The following EPHA6 variants were observed in gnomAD, a reference collection of about 807,000 sequenced individuals.
The protein encoded by EPHA6 is ephrin type-A receptor 6.
Under a neutral mutation model 112.0 loss-of-function variants are expected in EPHA6, and 50 were observed. That is an observed-to-expected ratio of 0.45 (90% confidence interval 0.36 to 0.56). EPHA6 has a LOEUF of 0.56. Ranked by LOEUF, EPHA6 falls within the 20% of genes least tolerant of loss-of-function variation. EPHA6 has a pLI of 0.00. For synonymous variants in EPHA6, 529 were observed against 490.7 expected (o/e 1.08, Z -1.03); for missense variants, 1,280 against 1,417.4 (o/e 0.90, Z 1.56).
intron 5 of EPHA6, among the ~76,000 whole-genome samples, chr3:97,388,053 C>A (rs376500415): frequency 2.6e-4 from 39 of 152,242 alleles, no homozygotes; most frequent in African/African-American, 9.1e-4. Flanking sequence ...ATGAAGTCTG[C>A]CCCCATGATT....
At chr3:96,923,336 C>A (rs2039871102) in intron 2 of EPHA6, among the ~76,000 whole-genome samples, 1 of 152,224 alleles carries the variant, frequency 6.6e-6, no homozygotes, top group Admixed American at 6.5e-5. Context: ...GCCATTCTGA[C>A]TGGCGTGAGT....
chr3:96,980,353 G>C (rs1271070672), intron 2 of EPHA6, among the ~76,000 whole-genome samples: 1 of 151,760 alleles, frequency 6.6e-6, no homozygotes, highest in African/African-American at 2.4e-5. Flanking sequence ...TCAAAGATCA[G>C]ATGGTTGTAG....
At chr3:97,066,546 T>C (rs957955261) in intron 3 of EPHA6, among the ~76,000 whole-genome samples, 1 of 152,156 alleles carries the variant, frequency 6.6e-6, no homozygotes, top group African/African-American at 2.4e-5. Flanking sequence ...GCAGGAGACA[T>C]ACCAGTGTTC....
At chr3:97,141,488 T>C (rs1473518011) in intron 3 of EPHA6, among the ~76,000 whole-genome samples, 3 of 151,978 alleles carry the variant, frequency 2.0e-5, no homozygotes, top group Non-Finnish European at 4.4e-5. Context: ...TATCTTAAGA[T>C]CTCAGACCAT....
chr3:97,126,973 G>A (rs1426213558), intron 3 of EPHA6, among the ~76,000 whole-genome samples: 1 of 149,826 alleles, frequency 6.7e-6, no homozygotes, highest in African/African-American at 2.5e-5. Flanking sequence ...ACAATAACAA[G>A]GAAAAAGACT....
intron 2 of EPHA6, among the ~76,000 whole-genome samples, chr3:96,942,850 G>T (rs760661041): frequency 6.6e-6 from 1 of 151,984 alleles, no homozygotes; most frequent in African/African-American, 2.4e-5. Context: ...TACAAACCAG[G>T]GTATTCCAAA....
At chr3:97,434,679 T>C (rs2089720828) in intron 6 of EPHA6, among the ~76,000 whole-genome samples, 1 of 152,108 alleles carries the variant, frequency 6.6e-6, no homozygotes, top group Non-Finnish European at 1.5e-5. Flanking sequence ...TGTAGTGGCT[T>C]AAAAATTATA....
chr3:96,993,419 C>T (rs1229681443), intron 3 of EPHA6, among the ~76,000 whole-genome samples: 1 of 152,006 alleles, frequency 6.6e-6, no homozygotes, highest in Non-Finnish European at 1.5e-5. Context: ...GCCTCAGCCT[C>T]CTGAGTAACT....
At chr3:97,658,514 C>A (rs1408495116) in intron 14 of EPHA6, among the ~76,000 whole-genome samples, 1 of 151,874 alleles carries the variant, frequency 6.6e-6, no homozygotes, top group Non-Finnish European at 1.5e-5. Flanking sequence ...AGTCTTAAAA[C>A]AATTACATAT....
intron 3 of EPHA6, among the ~76,000 whole-genome samples, chr3:97,101,793 T>C (rs1211553096): frequency 2.0e-5 from 3 of 152,128 alleles, no homozygotes; most frequent in Non-Finnish European, 4.4e-5. Flanking sequence ...TGCAAAAGAT[T>C]GATTAAATAT....
intron 14 of EPHA6, among the ~76,000 whole-genome samples, chr3:97,660,653 C>A (rs923404479): frequency 1.3e-5 from 2 of 152,050 alleles, no homozygotes; most frequent in Non-Finnish European, 2.9e-5. Context: ...ATCTCAGCTG[C>A]CATAGCCAGA....
intron 2 of EPHA6, among the ~76,000 whole-genome samples, chr3:96,978,453 C>T (rs938339154): frequency 6.6e-6 from 1 of 152,068 alleles, no homozygotes; most frequent in Non-Finnish European, 1.5e-5. Context: ...TTTATACCTA[C>T]TAATGTTATA....
intron 3 of EPHA6, among the ~76,000 whole-genome samples, chr3:97,204,441 A>G (rs1039260504): frequency 3.9e-5 from 6 of 152,080 alleles, no homozygotes; most frequent in Non-Finnish European, 8.8e-5. Flanking sequence ...CTTCCGTTCC[A>G]CAGATGAGAA....
intron 3 of EPHA6, among the ~76,000 whole-genome samples, chr3:97,096,616 A>G (rs1333410261): frequency 6.6e-5 from 10 of 151,916 alleles, no homozygotes; most frequent in Admixed American, 6.6e-4. Flanking sequence ...TCTCAGTGAG[A>G]CATGGGAGAA....
chr3:96,841,477 G>T (rs1485383308), intron 1 of EPHA6, among the ~76,000 whole-genome samples: 1 of 152,004 alleles, frequency 6.6e-6, no homozygotes, highest in African/African-American at 2.4e-5. Context: ...CGGCTTTGTG[G>T]TTGGGAAAGG....
At chr3:97,186,561 G>T (rs1203322394) in intron 3 of EPHA6, among the ~76,000 whole-genome samples, 3 of 151,946 alleles carry the variant, frequency 2.0e-5, no homozygotes, top group Non-Finnish European at 4.4e-5. Context: ...GGATTTACTG[G>T]GTGCCAAACG....
At chr3:97,546,825 T>A (rs924125295) in intron 11 of EPHA6, among the ~76,000 whole-genome samples, 11 of 152,350 alleles carry the variant, frequency 7.2e-5, no homozygotes, top group African/African-American at 2.6e-4. Context: ...TCCTCTTCCA[T>A]CACTGATACC....
chr3:97,321,066 C>G (rs1200161500), intron 5 of EPHA6, among the ~76,000 whole-genome samples: 1 of 151,818 alleles, frequency 6.6e-6, no homozygotes, highest in African/African-American at 2.4e-5. Flanking sequence ...ATGATTTCAT[C>G]TAAGATTCAT....
At chr3:97,067,445 G>C (rs2046211571) in intron 3 of EPHA6, among the ~76,000 whole-genome samples, 1 of 151,964 alleles carries the variant, frequency 6.6e-6, no homozygotes, top group Non-Finnish European at 1.5e-5. Flanking sequence ...GTGAAAGCTA[G>C]ACATTTGGAT....
Sources: allele counts gnomAD v4.1 joint callset (sites outside exome capture counted in the v4.1 genomes callset), GRCh38; gene constraint gnomAD v4.1.1; transcripts MANE v1.5; gene names NCBI Gene and HGNC (gene_info 2026-07-23, HGNC 2026-07-21).